TRAF6: variants seen among roughly 807,000 people sequenced by gnomAD.
The protein encoded by TRAF6 is TNF receptor-associated factor 6.
In TRAF6, 10 loss-of-function variants were observed where a neutral mutation model predicts 48.4. The ratio of observed to expected loss-of-function variants is 0.21; its 90% CI spans 0.13 to 0.35. TRAF6 has a LOEUF of 0.35. Ranked by LOEUF, TRAF6 falls within the 10% of genes least tolerant of loss-of-function variation. The probability of loss-of-function intolerance (pLI) is 1.00; values close to 1 mark genes in which losing one functional copy is unlikely to be tolerated. For missense variants in TRAF6, 397 were observed against 661.0 expected, an observed-to-expected ratio of 0.60 and a Z score of 4.38; for synonymous variants, 186 against 219.6, an observed-to-expected ratio of 0.85 and a Z score of 1.35.
At chr11:36,495,983 G>A (rs929758697) in intron 4 of TRAF6, among the ~76,000 whole-genome samples, 12 of 151,960 alleles carry the variant, frequency 7.9e-5, no homozygotes, top group African/African-American at 2.7e-4. Context: ...AACTTTTTTT[G>A]AATATTTTAT....
At chr11:36,497,632 C>T (rs1859658585) in intron 3 of TRAF6, among the ~76,000 whole-genome samples, 1 of 152,084 alleles carries the variant, frequency 6.6e-6, no homozygotes, top group Non-Finnish European at 1.5e-5. Context: ...TCAAATATAA[C>T]ACTAAATTTA....
chr11:36,501,597 C>T (rs2071695435), intron 1 of TRAF6, 60 bp from the exon 2 acceptor site: 4 of 1,214,720 alleles, frequency 3.3e-6, no homozygotes, highest in Non-Finnish European at 3.4e-6. Context: ...ACACCCCACA[C>T]ATATATATCA....
At chr11:36,495,519 T>C (rs985130942) in intron 4 of TRAF6, among the ~76,000 whole-genome samples, 3 of 152,222 alleles carry the variant, frequency 2.0e-5, no homozygotes, top group Admixed American at 6.5e-5. Context: ...CCTTATTTTC[T>C]AGAATATAAT....
intron 5 of TRAF6, among the ~76,000 whole-genome samples, chr11:36,493,313 T>C (rs749614769): frequency 5.9e-5 from 9 of 152,226 alleles, no homozygotes; most frequent in Non-Finnish European, 1.3e-4. Context: ...GTTGTAGATA[T>C]TTCAAACAGG....
At chr11:36,504,347 T>G (rs1483926334) in intron 1 of TRAF6, among the ~76,000 whole-genome samples, 1 of 151,566 alleles carries the variant, frequency 6.6e-6, no homozygotes, top group African/African-American at 2.4e-5. Context: ...TTCTAAATCC[T>G]TTGTTGTTAT....
intron 3 of TRAF6, among the ~76,000 whole-genome samples, chr11:36,497,656 A>T (rs1859658946): frequency 6.6e-6 from 1 of 152,180 alleles, no homozygotes; most frequent in South Asian, 2.1e-4. Context: ...TCTGGTAAAA[A>T]TCACCAAGCT....
At chr11:36,509,813 G>C (rs1007890623) in intron 1 of TRAF6, among the ~76,000 whole-genome samples, 1 of 150,620 alleles carries the variant, frequency 6.6e-6, no homozygotes, top group Non-Finnish European at 1.5e-5. Context: ...CTCGACCAGC[G>C]GGAAGCGAGA....
In TRAF6 at chr11:36,489,100, G is replaced by A. The variant is rs1395899282; in HGVS notation, c.*738C>T. ...ACAATGAGCAGTTGGTATCCACGTG[G>A]TTCTCAGCATTATAAACTCTGGGGA... On this transcript the variant is annotated 3_prime_UTR_variant, in exon 7 of 7. Coordinates refer to ENST00000526995, the MANE Select transcript of TRAF6 (RefSeq NM_004620.4). 2 of 152,288 alleles carry A rather than the reference G, an allele frequency of 1.3e-5. No homozygotes were observed. Among genetic ancestry groups the A allele is most frequent in the African/African-American group, 4.8e-5 (2 of 41,444 alleles). 9.4% of individuals were successfully genotyped at this position (152,288 alleles called of 1,614,324 possible).
chr11:36,500,923 T>C (rs959659109), intron 2 of TRAF6, among the ~76,000 whole-genome samples: 1 of 152,138 alleles, frequency 6.6e-6, no homozygotes, highest in Admixed American at 6.5e-5. Flanking sequence ...AAAAATACTA[T>C]TTTCTTTAAA....
In TRAF6 at chr11:36,486,360, A is replaced by G. The variant is rs1327470505; in HGVS notation, c.*3478T>C. On this transcript the variant is annotated 3_prime_UTR_variant, in exon 7 of 7. Transcript: ENST00000526995. ...AGCCTAATAGTATTTTATATAAAATAATGAGTAGAACTTGAGGCAAGCCAA... is the reference window on the plus strand; with the variant it reads ...AGCCTAATAGTATTTTATATAAAATGATGAGTAGAACTTGAGGCAAGCCAA... Among the ~76,000 whole-genome samples, 1 of 152,172 alleles carries G rather than the reference A, an allele frequency of 6.6e-6. No individual in the cohort carries two copies. Among genetic ancestry groups the G allele is most frequent in the Non-Finnish European group, 1.5e-5 (1 of 68,038 alleles).
intron 1 of TRAF6, among the ~76,000 whole-genome samples, chr11:36,507,864 A>ATGT (rs1859827952): frequency 6.8e-6 from 1 of 146,410 alleles, no homozygotes; most frequent in African/African-American, 2.5e-5. Flanking sequence ...ATATACACAC[A>ATGT]CTTTTTTTTT....
At chr11:36,495,605 G>T (rs746926372) in intron 4 of TRAF6, among the ~76,000 whole-genome samples, 1 of 152,116 alleles carries the variant, frequency 6.6e-6, no homozygotes, top group South Asian at 2.1e-4. Flanking sequence ...TTAGAAAGGA[G>T]TTGTCGGGCC....
In TRAF6 at chr11:36,485,319, T is replaced by C. The variant is rs10501157; in HGVS notation, c.*4519A>G. Reference sequence around the variant, plus strand: ...TCAATAAATGTTCATTATTACGTATTTGAGTGTGTGCAACGTGCCAGGCAC... The same window carrying C: ...TCAATAAATGTTCATTATTACGTATCTGAGTGTGTGCAACGTGCCAGGCAC... On this transcript the variant is annotated 3_prime_UTR_variant, in exon 7 of 7. Coordinates refer to ENST00000526995, the MANE Select transcript of TRAF6 (RefSeq NM_004620.4). 0.016 allele frequency among the ~76,000 whole-genome samples: 2,494 copies of C among 152,260 alleles called. 102 individuals are homozygous for C. Among genetic ancestry groups the C allele is most frequent in the Admixed American group, 0.1 (1,574 of 15,294 alleles).
chr11:36,503,363 C>T (rs1859743228), intron 1 of TRAF6, among the ~76,000 whole-genome samples: 1 of 150,352 alleles, frequency 6.7e-6, no homozygotes, highest in Admixed American at 6.6e-5. Flanking sequence ...GGCACGATCT[C>T]GACTCACTGC....
rs144634161 is a variant in TRAF6 at position 36,486,807 on chromosome 11, C to T, written c.*3031G>A. Among the ~76,000 whole-genome samples, 814 of 152,146 alleles carry T rather than the reference C, an allele frequency of 5.4e-3. 8 individuals are homozygous for T. The highest frequency in any genetic ancestry group is 0.02 in the East Asian group (104 of 5,160). ...AAGTTTCATCCAACAGTGGGTTGGA[C>T]GCTGGGCGTGGTGGCTCATGCCTGT... On this transcript the variant is annotated 3_prime_UTR_variant, in exon 7 of 7. Transcript: ENST00000526995.
chr11:36,501,588 C>T (rs1246449163), intron 1 of TRAF6, 51 bp from the exon 2 acceptor site: 3 of 1,303,846 alleles, frequency 2.3e-6, no homozygotes, highest in Admixed American at 2.4e-5. Context: ...CACACACTCA[C>T]ACCCCACACA....
intron 1 of TRAF6, 37 bp from the exon 2 acceptor site, chr11:36,501,574 A>T: frequency 2.1e-6 from 3 of 1,455,840 alleles, no homozygotes; most frequent in African/African-American, 1.4e-5. Flanking sequence ...CTTTATAAGT[A>T]ACACACACAC....
In TRAF6 at chr11:36,497,187, A is replaced by T; in HGVS notation, c.527T>A (p.Ile176Asn). Residue 176 changes from isoleucine (I) to asparagine (N), a missense_variant, in exon 4 of 7, where the codon ATT becomes AAT. By Grantham distance (149) the Ile-to-Asn change is moderately radical. Coordinates refer to ENST00000526995, the MANE Select transcript of TRAF6 (RefSeq NM_004620.4). ...QRPFQKFHIN[I>N]HILKDCPRRQ... ...CCTTGGACAATCCTTCAGAATGTGA[A>T]TATTAATATGGAATTTTTGGAAGGG... is the stretch of plus-strand genomic sequence containing the variant. The T allele has an allele frequency of 1.2e-6, 2 of 1,614,102 alleles. No homozygotes were observed. The highest frequency in any genetic ancestry group is 1.7e-6 in the Non-Finnish European group (2 of 1,179,984).
chr11:36,491,237 G>A (rs1325838328), intron 6 of TRAF6, among the ~76,000 whole-genome samples: 1 of 151,852 alleles, frequency 6.6e-6, no homozygotes, highest in African/African-American at 2.4e-5. Context: ...AATTTCTCCT[G>A]GCACCATGCC....
Sources: gnomAD v4.1 joint callset for allele counts (sites outside exome capture counted in the v4.1 genomes callset) on GRCh38, gnomAD v4.1.1 for gene constraint, MANE v1.5 for transcripts, NCBI Gene and HGNC (gene_info 2026-07-23, HGNC 2026-07-21) for gene names.